XRRA1: variants seen among roughly 807,000 people sequenced by gnomAD.
The protein encoded by XRRA1 is X-ray radiation resistance-associated protein 1.
Under a neutral mutation model 80.2 loss-of-function variants are expected in XRRA1, and 69 were observed. That is an observed-to-expected ratio of 0.86 (90% CI 0.71 to 1.05). XRRA1 has a LOEUF of 1.05. XRRA1 is among the 50% of genes least tolerant of loss of function. XRRA1 has a pLI of 0.00. For missense variants in XRRA1, 967 were observed against 976.4 expected, an observed-to-expected ratio of 0.99 and a Z score of 0.13; for synonymous variants, 348 against 389.9, an observed-to-expected ratio of 0.89 and a Z score of 1.27.
In XRRA1 at chr11:74,894,297, C is replaced by G. The variant is rs141063403; in HGVS notation, c.1003+11942G>C. Among the ~76,000 whole-genome samples the G allele has an allele frequency of 2.6e-4, 40 of 152,252 alleles. No individual in the cohort carries two copies. The East Asian group carries it at 6.0e-3, about 23-fold the overall frequency. On this transcript the variant is annotated intron_variant, in intron 10 of 18. Coordinates refer to ENST00000684022, the MANE Select transcript of XRRA1 (RefSeq NM_001378157.1). ...TGGGTAAAGGGTGAGGACTGAAGAA[C>G]TACCTGTCCAGTACTATTCTTATTA...
At position 74,933,856 on chromosome 11, in the gene XRRA1, A is replaced by C. The variant is rs1226554950; in HGVS notation, c.296T>G (p.Val99Gly). 1 of 1,605,098 alleles carries C rather than the reference A, an allele frequency of 6.2e-7. No individual in the cohort carries two copies. The highest frequency in any genetic ancestry group is 8.5e-7 in the Non-Finnish European group (1 of 1,175,756). ...GGTGCACAGATCTGATGGCTTCCTC[A>C]CACAGTGGTGCTTCAGCTGGAACAT... is the stretch of plus-strand genomic sequence containing the variant. ...DQAFLLKHHCVRKPSDLCTIN... is the reference protein window; with the variant it reads ...DQAFLLKHHCGRKPSDLCTIN... The change falls in exon 5 of 19, where the codon GTG becomes GGG. Residue 99 changes from valine (V) to glycine (G), a missense_variant. Coordinates refer to ENST00000684022, the MANE Select transcript of XRRA1 (RefSeq NM_001378157.1).
At chr11:74,858,791 CTG>C (rs1325882379) in intron 12 of XRRA1, among the ~76,000 whole-genome samples, 1 of 152,178 alleles carries the variant, frequency 6.6e-6, no homozygotes, top group Admixed American at 6.5e-5. Context: ...CTTCATAACA[CTG>C]TGAATTTCTT....
intron 10 of XRRA1, among the ~76,000 whole-genome samples, chr11:74,891,647 A>G (rs2050732227): frequency 6.6e-6 from 1 of 152,222 alleles, no homozygotes; most frequent in Admixed American, 6.5e-5. Flanking sequence ...CTGTGTATCT[A>G]GAAAACCCCA....
intron 11 of XRRA1, among the ~76,000 whole-genome samples, chr11:74,859,699 T>C (rs1026193362): frequency 6.6e-6 from 1 of 151,916 alleles, no homozygotes. Context: ...TTAAGGGGAA[T>C]TTTTCTAGGG....
At chr11:74,889,195 C>G (rs554457796) in intron 10 of XRRA1, among the ~76,000 whole-genome samples, 1 of 152,318 alleles carries the variant, frequency 6.6e-6, no homozygotes, top group East Asian at 1.9e-4. Flanking sequence ...ATCAGACTAA[C>G]AGCTGATCTC....
At chr11:74,889,989 C>T (rs2050210346) in intron 10 of XRRA1, among the ~76,000 whole-genome samples, 1 of 152,166 alleles carries the variant, frequency 6.6e-6, no homozygotes, top group Non-Finnish European at 1.5e-5. Flanking sequence ...TTAAACAGAT[C>T]AATGAGACAG....
At chr11:74,888,554 C>T (rs946883174) in intron 10 of XRRA1, among the ~76,000 whole-genome samples, 3 of 152,202 alleles carry the variant, frequency 2.0e-5, no homozygotes, top group Non-Finnish European at 4.4e-5. Context: ...AGCAACGGAA[C>T]AAAGCTGGAT....
At chr11:74,884,316 TC>T (rs1565318571) in intron 10 of XRRA1, among the ~76,000 whole-genome samples, 1 of 152,176 alleles carries the variant, frequency 6.6e-6, no homozygotes, top group Non-Finnish European at 1.5e-5. Context: ...ACATAGAGGC[TC>T]CATCTTCCCT....
At chr11:74,937,924 A>T (rs1945394000) in intron 3 of XRRA1, among the ~76,000 whole-genome samples, 2 of 152,214 alleles carry the variant, frequency 1.3e-5, no homozygotes, top group African/African-American at 4.8e-5. Context: ...CTGTTGCTGA[A>T]CAAATGACTG....
chr11:74,915,372 C>T (rs1168504712), intron 8 of XRRA1, among the ~76,000 whole-genome samples: 3 of 152,176 alleles, frequency 2.0e-5, no homozygotes, highest in African/African-American at 4.8e-5. Flanking sequence ...TCCCCTGTGG[C>T]GGAGACTCTC....
At chr11:74,942,468 T>G (rs888625480) in intron 2 of XRRA1, among the ~76,000 whole-genome samples, 2 of 152,130 alleles carry the variant, frequency 1.3e-5, no homozygotes, top group African/African-American at 4.8e-5. Flanking sequence ...TGGGTGAATA[T>G]CAGGGCCAGC....
intron 3 of XRRA1, among the ~76,000 whole-genome samples, chr11:74,939,461 A>G (rs1945842649): frequency 6.6e-6 from 1 of 152,186 alleles, no homozygotes; most frequent in Non-Finnish European, 1.5e-5. Context: ...CAATTCCGCC[A>G]TTATTTATTT....
Position 74,843,614 on chromosome 11 carries a change from T to A in XRRA1, c.2150-161A>T. On this transcript the variant is annotated intron_variant, in intron 18 of 18. Transcript: ENST00000684022. Reference sequence around the variant, plus strand: ...TTTCCAGCTTGGGAAGTCACTGACTTCCTACTGCCCCTATGCATTGACTCT... The same window carrying A: ...TTTCCAGCTTGGGAAGTCACTGACTACCTACTGCCCCTATGCATTGACTCT... 5 of 993,990 alleles carry A rather than the reference T, an allele frequency of 5.0e-6. No homozygotes were observed. In the South Asian group the frequency reaches 8.3e-5, roughly 17 times the overall value. 61.6% of individuals were successfully genotyped at this position (993,990 alleles called of 1,614,324 possible).
intron 12 of XRRA1, among the ~76,000 whole-genome samples, chr11:74,855,021 G>C (rs997112556): frequency 3.3e-5 from 5 of 151,862 alleles, no homozygotes; most frequent in African/African-American, 9.7e-5. Flanking sequence ...CTGCACTCCA[G>C]CCTGGGCAAC....
Position 74,945,027 on chromosome 11 carries a change from G to C in XRRA1, c.-14C>G, listed in dbSNP as rs1223855605. The C allele has an allele frequency of 6.6e-6, 1 of 152,454 alleles. No individual in the cohort carries two copies. The highest frequency in any genetic ancestry group is 2.4e-5 in the African/African-American group (1 of 41,390). 9.4% of individuals were successfully genotyped at this position (152,454 alleles called of 1,614,324 possible). ...TCTCCAGAGTACTTACTTGATCTTT[G>C]ACTTTGGGAATGGCCCCTTAACTTC... is the stretch of plus-strand genomic sequence containing the variant. On this transcript the variant is annotated 5_prime_UTR_variant, in exon 2 of 19. Coordinates refer to ENST00000684022, the MANE Select transcript of XRRA1 (RefSeq NM_001378157.1).
At chr11:74,918,383 G>A (rs1421569126) in intron 8 of XRRA1, among the ~76,000 whole-genome samples, 1 of 151,588 alleles carries the variant, frequency 6.6e-6, no homozygotes, top group Non-Finnish European at 1.5e-5. Flanking sequence ...TTAGTTTTTA[G>A]GATATAAAAT....
chr11:74,842,860 C>T lies in XRRA1; in HGVS notation c.*340G>A, dbSNP rs1205504580. The T allele has an allele frequency of 1.0e-5, 3 of 294,196 alleles. No homozygotes were observed. The highest frequency in any genetic ancestry group is 1.9e-5 in the Non-Finnish European group (3 of 157,200). The allele number at this position is 294,196 out of a possible 1,614,324, so 18.2% of individuals were successfully genotyped here. ...TGTCAGTTTCTCATACAACAGAGAA[C>T]AAATGTATCCCTGTTGCATCTGAAC... On this transcript the variant is annotated 3_prime_UTR_variant, in exon 19 of 19. Coordinates refer to ENST00000684022, the MANE Select transcript of XRRA1 (RefSeq NM_001378157.1).
chr11:74,874,717 C>G (rs2045675628), intron 10 of XRRA1, among the ~76,000 whole-genome samples: 1 of 152,224 alleles, frequency 6.6e-6, no homozygotes, highest in Admixed American at 6.5e-5. Context: ...AAAACTTGCT[C>G]TTGCCTAAAC....
chr11:74,850,910 A>C, intron 14 of XRRA1, 178 bp downstream of exon 14: 2 of 406,270 alleles, frequency 4.9e-6, no homozygotes, highest in Non-Finnish European at 8.9e-6. Context: ...ATATATTTTC[A>C]TATCTGTTGT....
Sources: allele counts gnomAD v4.1 joint callset (sites outside exome capture counted in the v4.1 genomes callset), GRCh38; gene constraint gnomAD v4.1.1; transcripts MANE v1.5; gene names NCBI Gene and HGNC (gene_info 2026-07-23, HGNC 2026-07-21).